The following MAP2K4 variants were observed in gnomAD, a reference collection of about 807,000 sequenced individuals.
The protein encoded by MAP2K4 is mitogen-activated protein kinase kinase 4, also known as dual specificity mitogen-activated protein kinase kinase 4.
MAP2K4 carries 4 observed loss-of-function variants against 48.5 expected under a neutral mutation model. The observed-to-expected ratio is 0.08, with a 90% CI of 0.04 to 0.19. The LOEUF (loss-of-function observed/expected upper bound fraction) is 0.19. Among genes scored for constraint, MAP2K4 ranks in the 10% least tolerant of loss-of-function variants. The probability of loss-of-function intolerance (pLI) is 1.00; values close to 1 mark genes in which losing one functional copy is unlikely to be tolerated. For missense variants in MAP2K4, 258 were observed against 493.3 expected (o/e 0.52, Z 4.52); for synonymous variants, 166 against 173.1 (o/e 0.96, Z 0.32).
intron 4 of MAP2K4, among the ~76,000 whole-genome samples, chr17:12,103,986 G>A (rs1281928797): frequency 1.2e-4 from 18 of 151,750 alleles, no homozygotes; most frequent in Non-Finnish European, 1.5e-5. Context: ...GAATTGTTTT[G>A]CATGTCTCTT....
At chr17:12,055,656 C>T (rs1970263739) in intron 2 of MAP2K4, among the ~76,000 whole-genome samples, 1 of 151,872 alleles carries the variant, frequency 6.6e-6, no homozygotes, top group Non-Finnish European at 1.5e-5. Context: ...CAATTTGCAT[C>T]TAGATCTTAT....
chr17:12,131,726 TA>T (rs199781537), intron 9 of MAP2K4, among the ~76,000 whole-genome samples: 61 of 151,108 alleles, frequency 4.0e-4, no homozygotes, highest in African/African-American at 1.0e-3. Context: ...AAAGATTGAT[TA>T]AAAAAAAATG....
chr17:12,024,586 A>G (rs1249467025), intron 1 of MAP2K4, among the ~76,000 whole-genome samples: 2 of 152,358 alleles, frequency 1.3e-5, no homozygotes, highest in African/African-American at 4.8e-5. Flanking sequence ...AAGTGGTTTT[A>G]TGAAAGTATA....
chr17:12,074,160 C>A (rs745522375), intron 2 of MAP2K4, among the ~76,000 whole-genome samples: 2 of 152,038 alleles, frequency 1.3e-5, no homozygotes, highest in African/African-American at 4.8e-5. Flanking sequence ...TCCATCCTTT[C>A]GTTTTTTTAA....
At chr17:12,129,342 A>G in intron 9 of MAP2K4, 55 bp downstream of exon 9, 1 of 1,608,308 alleles carries the variant, frequency 6.2e-7, no homozygotes, top group Non-Finnish European at 8.5e-7. Context: ...AGTGAGATTT[A>G]CTTGGTCTTA....
intron 1 of MAP2K4, among the ~76,000 whole-genome samples, chr17:12,039,376 T>A (rs933985990): frequency 6.6e-6 from 1 of 152,196 alleles, no homozygotes; most frequent in Non-Finnish European, 1.5e-5. Flanking sequence ...AAAGATTTAA[T>A]TTTTGAAAAC....
intron 1 of MAP2K4, among the ~76,000 whole-genome samples, chr17:12,044,421 G>T (rs1969892354): frequency 1.3e-5 from 2 of 152,208 alleles, no homozygotes; most frequent in Non-Finnish European, 2.9e-5. Flanking sequence ...TTGAAGTGCA[G>T]AAGAGTTAAT....
chr17:12,088,323 A>G (rs1196526248), intron 3 of MAP2K4, among the ~76,000 whole-genome samples: 1 of 150,810 alleles, frequency 6.6e-6, no homozygotes, highest in African/African-American at 2.4e-5. Context: ...TGAACAATGA[A>G]GGGTATGTTT....
At chr17:12,115,415 C>G (rs1055803192) in intron 7 of MAP2K4, 4 of 441,380 alleles carry the variant, frequency 9.1e-6, no homozygotes, top group Non-Finnish European at 1.7e-5. Context: ...GACTACAAGC[C>G]TATACAGCAT....
In MAP2K4 at chr17:12,061,058, G is replaced by A. The variant is rs561374800; in HGVS notation, c.218+6067G>A. On this transcript the variant is annotated intron_variant, in intron 2 of 10. Transcript: ENST00000353533. ...TACTTTTTAGGTACCTCTCATAAGT[G>A]GAATCATAACAATATTTATTTTGTG... 2.0e-5 allele frequency among the ~76,000 whole-genome samples: 3 copies of A among 152,140 alleles called. No individual in the cohort carries two copies. The South Asian group carries it at 6.2e-4, about 32-fold the overall frequency.
intron 2 of MAP2K4, among the ~76,000 whole-genome samples, chr17:12,066,437 C>CT (rs1030939765): frequency 6.6e-6 from 1 of 152,102 alleles, no homozygotes; most frequent in African/African-American, 2.4e-5. Context: ...TTTTTCTGCA[C>CT]TTTTTTGTAG....
chr17:12,125,187 C>T (rs1332602047), intron 7 of MAP2K4, 107 bp from the exon 8 acceptor site: 5 of 779,834 alleles, frequency 6.4e-6, no homozygotes, highest in Non-Finnish European at 1.2e-5. Flanking sequence ...ACATGGATTC[C>T]TCTAGGAATA....
At chr17:12,036,786 C>T (rs560862599) in intron 1 of MAP2K4, 9 of 151,914 alleles carry the variant, frequency 5.9e-5, no homozygotes, top group South Asian at 4.2e-4. Context: ...AATGCCTAAC[C>T]GAATTGTGTG....
At chr17:12,033,305 ATG>A (rs1185580064) in intron 1 of MAP2K4, among the ~76,000 whole-genome samples, 1 of 152,118 alleles carries the variant, frequency 6.6e-6, no homozygotes, top group East Asian at 1.9e-4. Flanking sequence ...ATGCTTTGAT[ATG>A]TGTCATTCTT....
chr17:12,066,037 G>T (rs533254429), intron 2 of MAP2K4, among the ~76,000 whole-genome samples: 11 of 152,084 alleles, frequency 7.2e-5, no homozygotes, highest in Admixed American at 7.2e-4. Context: ...CACCACATCA[G>T]GTATAGTGTA....
chr17:12,112,880 A>C (rs1164698239), intron 6 of MAP2K4, among the ~76,000 whole-genome samples: 1 of 152,226 alleles, frequency 6.6e-6, no homozygotes, highest in Non-Finnish European at 1.5e-5. Flanking sequence ...TGGCATTCAG[A>C]AAATTGTTTT....
At position 12,123,795 on chromosome 17, in the gene MAP2K4, G is replaced by A. The variant is rs74408973; in HGVS notation, c.814-1499G>A. 3.5e-3 allele frequency among the ~76,000 whole-genome samples: 533 copies of A among 152,134 alleles called. 7 individuals carry two copies. The highest frequency in any genetic ancestry group is 0.012 in the African/African-American group (512 of 41,504). ...TTTTTGATCCATTTGTCATTTAGAG[G>A]TGTGTTGTTAAATCTTCAGATATTT... is the stretch of plus-strand genomic sequence containing the variant. On this transcript the variant is annotated intron_variant, in intron 7 of 10. Coordinates refer to ENST00000353533, the MANE Select transcript of MAP2K4 (RefSeq NM_003010.4).
At chr17:12,024,287 A>G (rs1052782919) in intron 1 of MAP2K4, among the ~76,000 whole-genome samples, 5 of 152,196 alleles carry the variant, frequency 3.3e-5, no homozygotes, top group Non-Finnish European at 7.3e-5. Context: ...TGGGATTTAT[A>G]GTGAATTTGA....
chr17:12,099,767 G>C (rs1178705490), intron 4 of MAP2K4, among the ~76,000 whole-genome samples: 1 of 152,130 alleles, frequency 6.6e-6, no homozygotes, highest in African/African-American at 2.4e-5. Context: ...TTACAAAAAA[G>C]ACCTACCATT....
Sources: gnomAD v4.1 joint callset for allele counts (sites outside exome capture counted in the v4.1 genomes callset) on GRCh38, gnomAD v4.1.1 for gene constraint, MANE v1.5 for transcripts, NCBI Gene and HGNC (gene_info 2026-07-23, HGNC 2026-07-21) for gene names.